Variants in RNF220 observed in about 807,000 individuals in gnomAD.
RNF220 encodes E3 ubiquitin-protein ligase RNF220.
A neutral mutation model predicts 67.1 loss-of-function variants in RNF220; 7 were observed. The ratio of observed to expected loss-of-function variants is 0.10; its 90% CI spans 0.06 to 0.20. RNF220 has a LOEUF of 0.20. Ranked by LOEUF, RNF220 falls within the 10% of genes least tolerant of loss-of-function variation. The pLI, the probability that RNF220 is intolerant of heterozygous loss-of-function variation, is 1.00. For synonymous variants in RNF220, 270 were observed against 283.2 expected (o/e 0.95, Z 0.47); for missense variants, 565 against 740.3 (o/e 0.76, Z 2.75).
intron 2 of RNF220, among the ~76,000 whole-genome samples, chr1:44,484,827 A>G (rs1038524882): frequency 6.6e-6 from 1 of 152,194 alleles, no homozygotes; most frequent in African/African-American, 2.4e-5. Context: ...AAGTTGTACT[A>G]TCCTTGGGAG....
chr1:44,450,683 T>C (rs1239307441), intron 2 of RNF220, among the ~76,000 whole-genome samples: 1 of 152,356 alleles, frequency 6.6e-6, no homozygotes, highest in East Asian at 1.9e-4. Context: ...TATTCCATAT[T>C]TTGGAACTAC....
chr1:44,639,490 G>T (rs1644426749), intron 8 of RNF220, among the ~76,000 whole-genome samples: 2 of 152,372 alleles, frequency 1.3e-5, no homozygotes, highest in South Asian at 4.1e-4. Context: ...AAGCTTCACA[G>T]GAAATGGAAG....
intron 8 of RNF220, among the ~76,000 whole-genome samples, chr1:44,641,423 T>A (rs141141082): frequency 1.2e-3 from 180 of 152,096 alleles, no homozygotes; most frequent in African/African-American, 4.1e-3. Context: ...GTAGTAGGAG[T>A]GGCAGCTTGC....
At chr1:44,547,585 A>C (rs1662275451) in intron 2 of RNF220, among the ~76,000 whole-genome samples, 1 of 145,372 alleles carries the variant, frequency 6.9e-6, no homozygotes, top group Non-Finnish European at 1.5e-5. Flanking sequence ...TCTACCTTTG[A>C]CCCTCTTCTC....
chr1:44,632,083 G>A, intron 5 of RNF220: 1 of 1,255,376 alleles, frequency 8.0e-7, no homozygotes, highest in Non-Finnish European at 1.0e-6. Context: ...GGGGCCCAGA[G>A]CGCCGGAGGC....
chr1:44,426,495 C>T (rs966333808), intron 2 of RNF220, among the ~76,000 whole-genome samples: 5 of 152,004 alleles, frequency 3.3e-5, no homozygotes, highest in African/African-American at 7.3e-5. Context: ...GGGAGGCTGA[C>T]GCAGGAGGAT....
At chr1:44,488,707 C>A (rs576533381) in intron 2 of RNF220, among the ~76,000 whole-genome samples, 24 of 150,982 alleles carry the variant, frequency 1.6e-4, no homozygotes, top group African/African-American at 5.8e-4. Context: ...TAGTACTTAG[C>A]CTTTTTCTTT....
At chr1:44,549,732 AC>A (rs1662469838) in intron 2 of RNF220, among the ~76,000 whole-genome samples, 1 of 152,182 alleles carries the variant, frequency 6.6e-6, no homozygotes, top group African/African-American at 2.4e-5. Context: ...GCATGTGTTC[AC>A]CACGTTAGGT....
At chr1:44,604,958 T>C (rs1164237623) in intron 2 of RNF220, among the ~76,000 whole-genome samples, 2 of 152,176 alleles carry the variant, frequency 1.3e-5, no homozygotes, top group African/African-American at 4.8e-5. Context: ...AACCTCATGC[T>C]GTGTGAGAGG....
intron 1 of RNF220, among the ~76,000 whole-genome samples, chr1:44,408,125 T>G (rs1277119371): frequency 6.6e-6 from 1 of 151,976 alleles, no homozygotes; most frequent in Non-Finnish European, 1.5e-5. Flanking sequence ...TGGGCCCAAG[T>G]TTATGTAGGT....
intron 2 of RNF220, among the ~76,000 whole-genome samples, chr1:44,475,159 T>C (rs1400195247): frequency 6.6e-6 from 1 of 152,190 alleles, no homozygotes; most frequent in Non-Finnish European, 1.5e-5. Context: ...TTGTAGACAA[T>C]GTGTTTTGGG....
At chr1:44,491,992 A>G (rs190781920) in intron 2 of RNF220, among the ~76,000 whole-genome samples, 248 of 152,250 alleles carry the variant, frequency 1.6e-3, no homozygotes, top group African/African-American at 5.4e-3. Context: ...TTTGTATTCA[A>G]TATAGTACTG....
At chr1:44,626,208 C>A in intron 4 of RNF220, 89 bp from the exon 5 acceptor site, 1 of 940,894 alleles carries the variant, frequency 1.1e-6, no homozygotes. Flanking sequence ...CTTTGCCTGG[C>A]TCCCCAAAGC....
chr1:44,408,787 C>G (rs1268440260), intron 1 of RNF220: 1 of 152,122 alleles, frequency 6.6e-6, no homozygotes, highest in Non-Finnish European at 1.5e-5. Flanking sequence ...AGCTCGGCTC[C>G]GGGAAAGAGC....
intron 2 of RNF220, among the ~76,000 whole-genome samples, chr1:44,594,375 C>T (rs1666326243): frequency 6.6e-6 from 1 of 152,188 alleles, no homozygotes; most frequent in Non-Finnish European, 1.5e-5. Flanking sequence ...TCCTCCCAGC[C>T]TTCCCCACGT....
At chr1:44,557,000 A>G (rs1317412699) in intron 2 of RNF220, among the ~76,000 whole-genome samples, 4 of 151,942 alleles carry the variant, frequency 2.6e-5, no homozygotes, top group Non-Finnish European at 5.9e-5. Context: ...GGCTGAAACA[A>G]TCCCTCCGCT....
intron 2 of RNF220, among the ~76,000 whole-genome samples, chr1:44,556,903 T>C (rs1228738169): frequency 2.0e-5 from 3 of 151,850 alleles, no homozygotes; most frequent in Admixed American, 1.3e-4. Context: ...TTACAGATGT[T>C]GCTAGACAGG....
chr1:44,524,033 A>G (rs1660156184), intron 2 of RNF220, among the ~76,000 whole-genome samples: 1 of 151,062 alleles, frequency 6.6e-6, no homozygotes, highest in Admixed American at 6.6e-5. Flanking sequence ...AGCTTCAGCA[A>G]GGGGGAGACT....
chr1:44,635,551 T>C lies in RNF220; in HGVS notation c.956T>C (p.Ile319Thr), dbSNP rs1304949329. ...ANRQTRLNAR[I>T]GKMKRRKQDE... Reference sequence around the variant, plus strand: ...TTTCGGTTTCCCCGTGCAGCTCGGATTGGGAAAATGAAACGGAGGAAGCAA... The same window carrying C: ...TTTCGGTTTCCCCGTGCAGCTCGGACTGGGAAAATGAAACGGAGGAAGCAA... The change falls in exon 7 of 15, where the codon ATT (isoleucine) becomes ACT (threonine). Residue 319 changes from isoleucine (I) to threonine (T), a missense_variant. Transcript: ENST00000361799. 6.2e-7 allele frequency: 1 copy of C among 1,614,044 alleles called. No homozygotes were observed. The highest frequency in any genetic ancestry group is 2.2e-5 in the East Asian group (1 of 44,870).
Sources: gnomAD v4.1 joint callset for allele counts (sites outside exome capture counted in the v4.1 genomes callset) on GRCh38, gnomAD v4.1.1 for gene constraint, MANE v1.5 for transcripts, NCBI Gene and HGNC (gene_info 2026-07-23, HGNC 2026-07-21) for gene names.